CERS3: variants seen among roughly 807,000 people sequenced by gnomAD.
CERS3 encodes the protein ceramide synthase 3.
A neutral mutation model predicts 50.3 loss-of-function variants in CERS3; 33 were observed. The observed-to-expected ratio is 0.66, with a 90% CI of 0.50 to 0.88. The LOEUF (loss-of-function observed/expected upper bound fraction) is 0.88, where lower values mean the gene tolerates loss of function less well. Ranked by LOEUF, CERS3 falls within the 40% of genes least tolerant of loss-of-function variation. The pLI, the probability that CERS3 is intolerant of heterozygous loss-of-function variation, is 0.00. For missense variants in CERS3, 470 were observed against 460.3 expected (o/e 1.02, Z -0.19); for synonymous variants, 176 against 155.2 (o/e 1.13, Z -0.99).
chr15:100,444,367 A>G (rs1596673100), intron 11 of CERS3, among the ~76,000 whole-genome samples: 2 of 15,982 alleles, frequency 1.3e-4, no homozygotes, highest in East Asian at 2.5e-3. Flanking sequence ...GGCCTCCCAC[A>G]TTATTCCGGA....
chr15:100,490,789 A>G, intron 4 of CERS3, 28 bp downstream of exon 4: 1 of 1,377,982 alleles, frequency 7.3e-7, no homozygotes, highest in Non-Finnish European at 1.0e-6. Flanking sequence ...AAGATTTTTA[A>G]GTCGAAAAGC....
chr15:100,494,494 G>A (rs770740821), intron 3 of CERS3, among the ~76,000 whole-genome samples: 6 of 151,874 alleles, frequency 4.0e-5, no homozygotes, highest in East Asian at 3.9e-4. Context: ...TGATCCACCC[G>A]CCTTGGCCTC....
chr15:100,485,237 G>A (rs930773804), intron 4 of CERS3, among the ~76,000 whole-genome samples: 2 of 152,162 alleles, frequency 1.3e-5, no homozygotes, highest in African/African-American at 4.8e-5. Flanking sequence ...ATTATATAGA[G>A]AGCCTATTTC....
intron 10 of CERS3, among the ~76,000 whole-genome samples, chr15:100,467,823 G>GTATA (rs199955619): frequency 0.019 from 840 of 44,044 alleles, 19 homozygotes; most frequent in African/African-American, 0.044. Context: ...ATATATATGT[G>GTATA]TATATATATA....
At chr15:100,473,713 TGTA>T (rs1225520569) in intron 8 of CERS3, among the ~76,000 whole-genome samples, 5 of 152,194 alleles carry the variant, frequency 3.3e-5, no homozygotes, top group Non-Finnish European at 5.9e-5. Flanking sequence ...TGCAAAATGG[TGTA>T]GCTGCTTTGT....
At chr15:100,497,938 G>C (rs2035879481) in intron 3 of CERS3, among the ~76,000 whole-genome samples, 3 of 142,866 alleles carry the variant, frequency 2.1e-5, no homozygotes, top group South Asian at 4.4e-4. Context: ...TCTGTCGCCA[G>C]GCTGGAGTGC....
upstream of CERS3, among the ~76,000 whole-genome samples, chr15:100,532,200 G>A (rs2036953984): frequency 6.6e-6 from 1 of 151,626 alleles, no homozygotes; most frequent in African/African-American, 2.4e-5. Flanking sequence ...AGGGGAAGCG[G>A]GCAACTTCTA....
intron 7 of CERS3, among the ~76,000 whole-genome samples, chr15:100,479,141 GA>G (rs560198088): frequency 1.6e-3 from 239 of 151,926 alleles, no homozygotes; most frequent in Middle Eastern, 3.4e-3. Context: ...CTGTCCCATA[GA>G]AAAGCAAGAA....
intron 11 of CERS3, among the ~76,000 whole-genome samples, chr15:100,433,370 T>C (rs955959641): frequency 1.1e-4 from 17 of 151,290 alleles, no homozygotes; most frequent in African/African-American, 3.9e-4. Flanking sequence ...CAAACAGCTA[T>C]AGAATCAACA....
intron 11 of CERS3, among the ~76,000 whole-genome samples, chr15:100,415,808 AGG>A (rs2031856731): frequency 2.7e-5 from 4 of 145,864 alleles, no homozygotes; most frequent in African/African-American, 1.0e-4. Flanking sequence ...GGAGTGAGGG[AGG>A]GGAGGGAGCA....
intron 2 of CERS3, among the ~76,000 whole-genome samples, chr15:100,516,352 G>A (rs907146650): frequency 1.3e-5 from 2 of 152,154 alleles, no homozygotes; most frequent in African/African-American, 4.8e-5. Context: ...CAGTTTAAGG[G>A]CCAGTCCTGT....
At chr15:100,532,240 T>A (rs1226506791), upstream of CERS3, among the ~76,000 whole-genome samples, 2 of 152,162 alleles carry the variant, frequency 1.3e-5, no homozygotes, top group Non-Finnish European at 2.9e-5. Context: ...AGCCGATCCT[T>A]AACCTAATTT....
intron 11 of CERS3, among the ~76,000 whole-genome samples, chr15:100,426,436 G>C (rs2032817020): frequency 6.6e-6 from 1 of 152,074 alleles, no homozygotes; most frequent in Non-Finnish European, 1.5e-5. Context: ...ACTATATCCA[G>C]ACATAATAAA....
chr15:100,416,026 T>C (rs989166374), intron 11 of CERS3, among the ~76,000 whole-genome samples: 1 of 152,108 alleles, frequency 6.6e-6, no homozygotes, highest in East Asian at 1.9e-4. Flanking sequence ...TATTCATGGA[T>C]AGGAAAAGTC....
upstream of CERS3, among the ~76,000 whole-genome samples, chr15:100,533,483 TTTTCTTTTCTTTTCTCC>T (rs1248823930): frequency 1.3e-5 from 2 of 150,494 alleles, no homozygotes; most frequent in South Asian, 4.3e-4. Context: ...CATTGGGTTC[TTTTCTTTTCTTTTCTCC>T]TTTCTTTTCT....
chr15:100,415,720 C>T (rs552078641), intron 11 of CERS3, among the ~76,000 whole-genome samples: 1 of 152,064 alleles, frequency 6.6e-6, no homozygotes, highest in Non-Finnish European at 1.5e-5. Flanking sequence ...TGTTCTCACT[C>T]ATAAGTGAGA....
rs201552322 is a variant in CERS3 at position 100,402,794 on chromosome 15, G to C, written c.1071C>G (p.Thr357=). 1.1e-4 allele frequency: 177 copies of C among 1,614,020 alleles called. 1 individual carries two copies. The South Asian group carries it at 1.8e-3, about 17-fold the overall frequency. The change falls in exon 12 of 12, where the codon ACC becomes ACG. Residue 357 remains threonine, a synonymous_variant. Transcript: ENST00000679737. ...EEEEEEEEEA[T]KGKEMDCLKN... is the part of the protein sequence containing the mutation. ...TTAAACAATCCATCTCTTTGCCTTT[G>C]GTAGCCTCTTCTTCTTCCTCTTCCT... is the stretch of plus-strand genomic sequence containing the variant.
At chr15:100,447,585 A>C (rs532261650) in intron 11 of CERS3, among the ~76,000 whole-genome samples, 2 of 152,310 alleles carry the variant, frequency 1.3e-5, no homozygotes, top group South Asian at 4.1e-4. Context: ...TCTTTTCATC[A>C]ACACTTAGTG....
chr15:100,460,817 A>AG (rs1336525237), intron 10 of CERS3, among the ~76,000 whole-genome samples: 1 of 152,232 alleles, frequency 6.6e-6, no homozygotes, highest in African/African-American at 2.4e-5. Flanking sequence ...TTCTTTACAC[A>AG]GTCTACCGGA....
Sources: allele counts gnomAD v4.1 joint callset (sites outside exome capture counted in the v4.1 genomes callset), GRCh38; gene constraint gnomAD v4.1.1; transcripts MANE v1.5; gene names NCBI Gene and HGNC (gene_info 2026-07-23, HGNC 2026-07-21).